Variants in LRRC8A observed in about 807,000 individuals in gnomAD.
LRRC8A encodes leucine rich repeat containing 8 VRAC subunit A.
In LRRC8A, 24 loss-of-function variants were observed where a neutral mutation model predicts 52.5. The ratio of observed to expected loss-of-function variants is 0.46; its 90% CI spans 0.33 to 0.64. The LOEUF is 0.64. Among genes scored for constraint, LRRC8A ranks in the 30% least tolerant of loss-of-function variants. LRRC8A has a pLI of 0.02. For synonymous variants in LRRC8A, 492 were observed against 494.2 expected, an observed-to-expected ratio of 1.00 and a Z score of 0.06; for missense variants, 677 against 1,094.7, an observed-to-expected ratio of 0.62 and a Z score of 5.38.
intron 2 of LRRC8A, among the ~76,000 whole-genome samples, chr9:128,891,403 A>G (rs1438225982): frequency 6.6e-6 from 1 of 152,166 alleles, no homozygotes; most frequent in Non-Finnish European, 1.5e-5. Context: ...TCTACAAAAA[A>G]TTTTTAAAAA....
rs1483569458 is a variant in LRRC8A, at chr9:128,892,015, G to C, written c.-9+5894G>C. Among the ~76,000 whole-genome samples, 1 of 152,158 alleles carries C rather than the reference G, an allele frequency of 6.6e-6. No individual in the cohort carries two copies. The highest frequency in any genetic ancestry group is 1.9e-4 in the East Asian group (1 of 5,196). ...CGTTCCAGAGCCTTACTGTATGGCA[G>C]GCACTAGTCCAAAAGCTTTATATGG... is the stretch of plus-strand genomic sequence containing the variant. On this transcript the variant is annotated intron_variant, in intron 2 of 3. Coordinates refer to ENST00000372600, the MANE Select transcript of LRRC8A (RefSeq NM_019594.4). The surrounding 1 kb of genome is among the most constrained non-coding windows in gnomAD (Gnocchi z 5.2).
chr9:128,887,286 C>T (rs1030171722), intron 2 of LRRC8A, among the ~76,000 whole-genome samples: 3 of 151,836 alleles, frequency 2.0e-5, no homozygotes, highest in African/African-American at 4.8e-5. Flanking sequence ...AGCCTCCCAA[C>T]TAGCTGGGAC....
At chr9:128,882,599 C>A (rs946754702) in intron 1 of LRRC8A, 23 of 398,284 alleles carry the variant, frequency 5.8e-5, no homozygotes, top group African/African-American at 4.5e-4. Context: ...CACACTCTCC[C>A]GTTCCTAGAG....
intron 3 of LRRC8A, among the ~76,000 whole-genome samples, chr9:128,909,635 G>T (rs763356987): frequency 1.1e-4 from 16 of 152,250 alleles, no homozygotes; most frequent in Non-Finnish European, 1.9e-4. Context: ...CTTGAGCCGG[G>T]TTCCTCTTCA....
chr9:128,899,255 G>T lies in LRRC8A; in HGVS notation c.-8-7902G>T, dbSNP rs1212374020. On this transcript the variant is annotated intron_variant, in intron 2 of 3. Coordinates refer to ENST00000372600, the MANE Select transcript of LRRC8A (RefSeq NM_019594.4). The surrounding 1 kb of genome is among the most constrained non-coding windows in gnomAD (Gnocchi z 4.0). Reference sequence around the variant, plus strand: ...GGACGCAGTGCCAGCTGAGAGGGCCGAGCACAGGGAGGATAAGCAAGGGCA... The same window carrying T: ...GGACGCAGTGCCAGCTGAGAGGGCCTAGCACAGGGAGGATAAGCAAGGGCA... 6.6e-6 allele frequency among the ~76,000 whole-genome samples: 1 copy of T among 152,176 alleles called. No homozygotes were observed. Among genetic ancestry groups the T allele is most frequent in the South Asian group, 2.1e-4 (1 of 4,826 alleles).
In LRRC8A at chr9:128,899,008, G is replaced by A. The variant is rs1160277463; in HGVS notation, c.-8-8149G>A. On this transcript the variant is annotated intron_variant, in intron 2 of 3. Coordinates refer to ENST00000372600, the MANE Select transcript of LRRC8A (RefSeq NM_019594.4). The surrounding 1 kb of genome is among the most constrained non-coding windows in gnomAD (Gnocchi z 4.0). Reference sequence around the variant, plus strand: ...GGCCAGAACAGTCGGGACAAGGGGTGTCTGTGATGGTGGCGGCAGCTCTGC... The same window carrying A: ...GGCCAGAACAGTCGGGACAAGGGGTATCTGTGATGGTGGCGGCAGCTCTGC... 6.6e-6 allele frequency among the ~76,000 whole-genome samples: 1 copy of A among 152,228 alleles called. No individual in the cohort carries two copies. The highest frequency in any genetic ancestry group is 2.4e-5 in the African/African-American group (1 of 41,464).
At chr9:128,895,160 ATC>A (rs1291209126) in intron 2 of LRRC8A, among the ~76,000 whole-genome samples, 1 of 152,154 alleles carries the variant, frequency 6.6e-6, no homozygotes, top group Non-Finnish European at 1.5e-5. Context: ...TATGCTTAAT[ATC>A]TCTTAGATGT....
chr9:128,907,711 C>A lies in LRRC8A; in HGVS notation c.547C>A (p.Pro183Thr). 1 of 1,613,516 alleles carries A rather than the reference C, an allele frequency of 6.2e-7. No homozygotes were observed. The highest frequency in any genetic ancestry group is 1.1e-5 in the South Asian group (1 of 91,046). The part of the protein sequence containing the change: ...LSETVVEESD[P>T]KPAFSKMNGS... Reference sequence around the variant, plus strand: ...GGAGACAGTGGTGGAGGAGAGCGACCCCAAGCCGGCCTTCAGCAAGATGAA... The same window carrying A: ...GGAGACAGTGGTGGAGGAGAGCGACACCAAGCCGGCCTTCAGCAAGATGAA... The change falls in exon 3 of 4, where the codon CCC becomes ACC. Residue 183 changes from proline to threonine, a missense_variant. Pro to Thr is a conservative substitution (Grantham distance 38). Around this residue, in one of 4 missense-constraint regions of LRRC8A, gnomAD observed 422 missense variants for 741.5 expected, o/e 0.57. Coordinates refer to ENST00000372600, the MANE Select transcript of LRRC8A (RefSeq NM_019594.4). This position sits in a 1 kb window ranked among gnomAD's most constrained non-coding sequence, Gnocchi z 9.3.
At chr9:128,909,728 G>A (rs1407206972) in intron 3 of LRRC8A, among the ~76,000 whole-genome samples, 15 of 152,214 alleles carry the variant, frequency 9.9e-5, no homozygotes, top group Admixed American at 9.8e-4. Context: ...TTAGCCTGGA[G>A]TTTGTGTCTT....
At chr9:128,914,886 C>T (rs150490930) in intron 3 of LRRC8A, among the ~76,000 whole-genome samples, 1 of 152,232 alleles carries the variant, frequency 6.6e-6, no homozygotes, top group African/African-American at 2.4e-5. Context: ...GGAGACAGCA[C>T]GAACCCACTG....
chr9:128,915,620 C>T (rs913550013), intron 3 of LRRC8A, among the ~76,000 whole-genome samples: 1 of 152,242 alleles, frequency 6.6e-6, no homozygotes, highest in Admixed American at 6.5e-5. Flanking sequence ...CCACCGCACC[C>T]GGCCTAGGGG....
At chr9:128,903,958 G>A (rs1238853814) in intron 2 of LRRC8A, among the ~76,000 whole-genome samples, 2 of 152,122 alleles carry the variant, frequency 1.3e-5, no homozygotes, top group South Asian at 2.1e-4. Context: ...AACCCAGGAG[G>A]CAGAGGTTGC....
intron 2 of LRRC8A, among the ~76,000 whole-genome samples, chr9:128,887,885 C>T (rs974551497): frequency 2.0e-5 from 3 of 151,414 alleles, no homozygotes; most frequent in Admixed American, 1.3e-4. Context: ...CCTTGTGATC[C>T]GCCGCCTTGG....
At chr9:128,913,591 C>T (rs1291279404) in intron 3 of LRRC8A, among the ~76,000 whole-genome samples, 1 of 152,206 alleles carries the variant, frequency 6.6e-6, no homozygotes, top group Non-Finnish European at 1.5e-5. Flanking sequence ...TGGCTCAGAG[C>T]AGGGCATGTT....
intron 2 of LRRC8A, among the ~76,000 whole-genome samples, chr9:128,891,582 C>T (rs1839622993): frequency 6.6e-6 from 1 of 152,184 alleles, no homozygotes; most frequent in Non-Finnish European, 1.5e-5. Flanking sequence ...AACGGCCTGC[C>T]TTCTAGGCCC....
chr9:128,896,466 C>T (rs992485411), intron 2 of LRRC8A, among the ~76,000 whole-genome samples: 4 of 152,124 alleles, frequency 2.6e-5, no homozygotes, highest in Non-Finnish European at 4.4e-5. Context: ...TTGTAGAGTA[C>T]GTGCATCCTA....
chr9:128,883,658 T>C (rs1210603670), intron 1 of LRRC8A, among the ~76,000 whole-genome samples: 2 of 152,284 alleles, frequency 1.3e-5, no homozygotes, highest in South Asian at 4.1e-4. Context: ...CCCTCTGCGT[T>C]CTAGGGACCA....
chr9:128,896,825 G>A (rs375053208), intron 2 of LRRC8A, among the ~76,000 whole-genome samples: 17 of 152,174 alleles, frequency 1.1e-4, no homozygotes, highest in Admixed American at 4.6e-4. Context: ...GAGTTCAAGG[G>A]ATTCTCCTGC....
At position 128,916,288 on chromosome 9, in the gene LRRC8A, T is replaced by C. The variant is rs1171006512; in HGVS notation, c.2350T>C (p.Leu784=). ...GTGCCCACTGCTCAAGCGCAGCGGC[T>C]TGGTGGTGGAGGAGGACCTGTTCAA... The part of the protein sequence containing the change: ...GECPLLKRSG[L]VVEEDLFNTL... The change falls in exon 4 of 4, where the codon TTG becomes CTG. Residue 784 remains leucine (L), a synonymous_variant. Transcript: ENST00000372600. This position sits in a 1 kb window ranked among gnomAD's most constrained non-coding sequence, Gnocchi z 6.1. 6.2e-7 allele frequency: 1 copy of C among 1,613,504 alleles called. No individual in the cohort carries two copies. Among genetic ancestry groups the C allele is most frequent in the Admixed American group, 1.7e-5 (1 of 60,024 alleles).
Sources: allele counts gnomAD v4.1 joint callset (sites outside exome capture counted in the v4.1 genomes callset), GRCh38; gene constraint gnomAD v4.1.1; regional missense constraint gnomAD v4.1.1; non-coding constraint Gnocchi (gnomAD v3.1); transcripts MANE v1.5; gene names NCBI Gene and HGNC (gene_info 2026-07-23, HGNC 2026-07-21).